CLEC16A: variants seen among roughly 807,000 people sequenced by gnomAD.
The protein encoded by CLEC16A is C-type lectin domain containing 16A, also known as protein CLEC16A.
In CLEC16A, 51 loss-of-function variants were observed where a neutral mutation model predicts 109.5. That is an observed-to-expected ratio of 0.47 (90% CI 0.37 to 0.59). The LOEUF (loss-of-function observed/expected upper bound fraction) is 0.59, where lower values mean the gene tolerates loss of function less well. CLEC16A is among the 20% of genes least tolerant of loss of function. The pLI, the probability that CLEC16A is intolerant of heterozygous loss-of-function variation, is 0.00. For synonymous variants in CLEC16A, 673 were observed against 564.2 expected (o/e 1.19, Z -2.73); for missense variants, 1,339 against 1,394.0 (o/e 0.96, Z 0.63).
chr16:10,999,005 CAAAA>C (rs1411648493), intron 10 of CLEC16A, among the ~76,000 whole-genome samples: 2 of 152,164 alleles, frequency 1.3e-5, no homozygotes, highest in Non-Finnish European at 2.9e-5. Flanking sequence ...AAACAAAAAA[CAAAA>C]AACAGGTTTT....
intron 13 of CLEC16A, among the ~76,000 whole-genome samples, chr16:11,037,680 G>T (rs1440814265): frequency 6.6e-6 from 1 of 152,170 alleles, no homozygotes; most frequent in Admixed American, 6.5e-5. Flanking sequence ...GGAGCGAGCA[G>T]CCAGGCCCTT....
rs184584354 is a variant in CLEC16A at position 11,124,245 on chromosome 16, T to G, written c.2473+299T>G. Among the ~76,000 whole-genome samples, 132 of 152,294 alleles carry G rather than the reference T, an allele frequency of 8.7e-4. 5 individuals are homozygous for G. Among genetic ancestry groups the G allele is most frequent in the Admixed American group, 7.8e-3 (119 of 15,306 alleles). ...CTTCACACTGAAATTCTCAAGCATA[T>G]GTTAACAAAGTGCTTTGACGTTACT... On this transcript the variant is annotated intron_variant, in intron 21 of 23. Transcript: ENST00000409790.
intron 13 of CLEC16A, among the ~76,000 whole-genome samples, chr16:11,036,978 G>A (rs539421050): frequency 6.6e-6 from 1 of 152,372 alleles, no homozygotes; most frequent in Non-Finnish European, 1.5e-5. Flanking sequence ...GAGAGATAAA[G>A]TTGTTGGCCT....
chr16:11,055,556 A>G (rs1378536319), intron 18 of CLEC16A, among the ~76,000 whole-genome samples: 2 of 137,352 alleles, frequency 1.5e-5, no homozygotes, highest in African/African-American at 5.7e-5. Flanking sequence ...ATCTCACGAT[A>G]ACGCCGTTTT....
In CLEC16A at chr16:11,178,419, C is replaced by A. The variant is rs2068845335; in HGVS notation, c.2891C>A (p.Pro964His). Reference protein sequence around the residue: ...IVNETEADSKPSKNVARSAAV... With the variant: ...IVNETEADSKHSKNVARSAAV... Reference sequence around the variant, plus strand: ...AACGAAACGGAAGCAGACTCTAAGCCCAGCAAGAACGTGGCCAGGAGCGCA... The same window carrying A: ...AACGAAACGGAAGCAGACTCTAAGCACAGCAAGAACGTGGCCAGGAGCGCA... The change falls in exon 24 of 24, where the codon CCC (proline) becomes CAC (histidine). Residue 964 changes from proline (P) to histidine (H), a missense_variant. Physicochemically the swap from Pro to His is moderately conservative, Grantham distance 77. This residue lies in a region of CLEC16A where 1,061 missense variants were observed against 1,006.8 expected (regional missense o/e 1.05). Transcript: ENST00000409790. The surrounding 1 kb of genome is among the most constrained non-coding windows in gnomAD (Gnocchi z 6.5). The A allele has an allele frequency of 3.1e-6, 5 of 1,613,660 alleles. No homozygotes were observed. In the South Asian group the frequency reaches 5.5e-5, roughly 18 times the overall value.
At chr16:11,075,497 A>G (rs1386202926) in intron 19 of CLEC16A, among the ~76,000 whole-genome samples, 3 of 151,770 alleles carry the variant, frequency 2.0e-5, no homozygotes, top group African/African-American at 7.3e-5. Context: ...AGTGCGTGGC[A>G]TAATCATAGC....
At chr16:11,000,544 G>A (rs920276976) in intron 10 of CLEC16A, among the ~76,000 whole-genome samples, 5 of 152,142 alleles carry the variant, frequency 3.3e-5, no homozygotes, top group African/African-American at 9.7e-5. Flanking sequence ...AGATGAGAGG[G>A]CGACTAGGCT....
intron 13 of CLEC16A, among the ~76,000 whole-genome samples, chr16:11,031,177 CAG>C (rs912970070): frequency 7.9e-5 from 12 of 152,204 alleles, no homozygotes; most frequent in African/African-American, 2.2e-4. Flanking sequence ...AGTGCTCAGC[CAG>C]AGTTTGCTGA....
chr16:10,956,333 A>G (rs531537109), intron 1 of CLEC16A, among the ~76,000 whole-genome samples: 1 of 152,320 alleles, frequency 6.6e-6, no homozygotes, highest in South Asian at 2.1e-4. Flanking sequence ...TTATTGTTTC[A>G]TCTTCAGGCT....
rs1418274117 is a variant in CLEC16A at position 11,047,451 on chromosome 16, T to C, written c.1866+109T>C. 6.4e-6 allele frequency: 4 copies of C among 627,102 alleles called. No individual in the cohort carries two copies. In the South Asian group the frequency reaches 1.4e-4, roughly 22 times the overall value. The allele number at this position is 627,102 out of a possible 1,614,324, so 38.8% of individuals were successfully genotyped here. A position where few individuals can be genotyped will look rare whatever the true frequency, so the allele number is the denominator to read the frequency against. ...TTTGACTTAGGGCTTTGTGACCAAATAGCACAGATTGATGGGGAAGCAGAT... is the reference window on the plus strand; with the variant it reads ...TTTGACTTAGGGCTTTGTGACCAAACAGCACAGATTGATGGGGAAGCAGAT... On this transcript the variant is annotated intron_variant, in intron 17 of 23. Coordinates refer to ENST00000409790, the MANE Select transcript of CLEC16A (RefSeq NM_015226.3).
At chr16:11,080,061 A>G (rs1485219313) in intron 19 of CLEC16A, among the ~76,000 whole-genome samples, 1 of 152,218 alleles carries the variant, frequency 6.6e-6, no homozygotes, top group Non-Finnish European at 1.5e-5. Flanking sequence ...AATAGATCCC[A>G]TCTGTTTCCC....
intron 11 of CLEC16A, among the ~76,000 whole-genome samples, chr16:11,014,927 T>C (rs765549805): frequency 3.9e-5 from 6 of 152,188 alleles, no homozygotes; most frequent in Non-Finnish European, 8.8e-5. Context: ...GGTCAAGTCC[T>C]CTTTGATGTC....
intron 11 of CLEC16A, among the ~76,000 whole-genome samples, chr16:11,005,120 A>G (rs1187243077): frequency 6.6e-6 from 1 of 152,112 alleles, no homozygotes; most frequent in African/African-American, 2.4e-5. Flanking sequence ...CAGTCCTTTT[A>G]AGGATGCTCT....
At chr16:11,011,508 T>TA (rs2045410563) in intron 11 of CLEC16A, among the ~76,000 whole-genome samples, 1 of 152,210 alleles carries the variant, frequency 6.6e-6, no homozygotes, top group South Asian at 2.1e-4. Context: ...AGCAGTCACT[T>TA]ACACTTTCTG....
At chr16:11,134,145 CTT>C (rs1432323257) in intron 22 of CLEC16A, among the ~76,000 whole-genome samples, 2 of 150,978 alleles carry the variant, frequency 1.3e-5, no homozygotes, top group African/African-American at 4.9e-5. Flanking sequence ...GCTGAACCAA[CTT>C]TTAATTCATA....
chr16:11,116,233 T>TA lies in CLEC16A; in HGVS notation c.2117-4369dup, dbSNP rs765905851. ...GGTGAAACCCTGTCTCTACTAAAAA[T>TA]AAAAAAAAAAAAATAGCCAGGCGTG... On this transcript the variant is annotated intron_variant, in intron 19 of 23. Transcript: ENST00000409790. Among the ~76,000 whole-genome samples, 348 of 136,414 alleles carry TA rather than the reference T, an allele frequency of 2.6e-3. 1 individual carries two copies. Among genetic ancestry groups the TA allele is most frequent in the African/African-American group, 4.5e-3 (167 of 37,100 alleles). 89.5% of individuals were successfully genotyped at this position (136,414 alleles called of 152,430 possible). A position where few individuals can be genotyped will look rare whatever the true frequency, so the allele number is the denominator to read the frequency against.
intron 22 of CLEC16A, among the ~76,000 whole-genome samples, chr16:11,152,319 C>A (rs1199104299): frequency 6.6e-6 from 1 of 152,354 alleles, no homozygotes; most frequent in African/African-American, 2.4e-5. Flanking sequence ...CAAGATCTTC[C>A]CTCTGCAGGC....
intron 22 of CLEC16A, among the ~76,000 whole-genome samples, chr16:11,128,594 G>A (rs76971512): frequency 1.3e-5 from 2 of 152,082 alleles, no homozygotes; most frequent in Admixed American, 6.5e-5. Context: ...CACCACCCCC[G>A]CAAAGAGGGA....
At chr16:10,953,656 G>T (rs74883826) in intron 1 of CLEC16A, among the ~76,000 whole-genome samples, 1 of 152,134 alleles carries the variant, frequency 6.6e-6, no homozygotes, top group Non-Finnish European at 1.5e-5. Flanking sequence ...ATAAAGAAAA[G>T]CAAGAAAAAG....
Sources: allele counts gnomAD v4.1 joint callset (sites outside exome capture counted in the v4.1 genomes callset), GRCh38; gene constraint gnomAD v4.1.1; regional missense constraint gnomAD v4.1.1; non-coding constraint Gnocchi (gnomAD v3.1); transcripts MANE v1.5; gene names NCBI Gene and HGNC (gene_info 2026-07-23, HGNC 2026-07-21).